The following CSMD1 variants were observed in gnomAD, a reference collection of about 807,000 sequenced individuals.
CSMD1 encodes CUB and sushi domain-containing protein 1.
Under a neutral mutation model 417.5 loss-of-function variants are expected in CSMD1, and 213 were observed. That is an observed-to-expected ratio of 0.51 (90% CI 0.46 to 0.57). The LOEUF is 0.57. Among genes scored for constraint, CSMD1 ranks in the 20% least tolerant of loss-of-function variants. The pLI, the probability that CSMD1 is intolerant of heterozygous loss-of-function variation, is 0.00. For synonymous variants in CSMD1, 2,862 were observed against 1,736.8 expected (o/e 1.65, Z -16.11); for missense variants, 6,923 against 4,529.7 (o/e 1.53, Z -15.17).
chr8:3,147,619 G>C (rs867116347), intron 40 of CSMD1, among the ~76,000 whole-genome samples: 2 of 152,128 alleles, frequency 1.3e-5, no homozygotes, highest in African/African-American at 4.8e-5. Flanking sequence ...AGTAAAATTT[G>C]AGCACCCTGG....
chr8:4,534,232 C>T lies in CSMD1; in HGVS notation c.302+103110G>A, dbSNP rs558129655. 3.3e-5 allele frequency among the ~76,000 whole-genome samples: 5 copies of T among 152,268 alleles called. No individual in the cohort carries two copies. The East Asian group carries it at 9.7e-4, about 29-fold the overall frequency. ...CTGCTATCTCAGAAAGAAATACCTT[C>T]TGCGTGGGCCTGGCCCCAAGGATGC... On this transcript the variant is annotated intron_variant, in intron 2 of 69. Coordinates refer to ENST00000635120, the MANE Select transcript of CSMD1 (RefSeq NM_033225.6).
intron 8 of CSMD1, among the ~76,000 whole-genome samples, chr8:3,615,087 T>C (rs1031563181): frequency 1.3e-5 from 2 of 152,186 alleles, no homozygotes; most frequent in Non-Finnish European, 2.9e-5. Flanking sequence ...TGCTGTTTTC[T>C]AATATGATAC....
chr8:3,396,586 T>C (rs905347398), intron 16 of CSMD1, among the ~76,000 whole-genome samples: 3 of 152,186 alleles, frequency 2.0e-5, no homozygotes, highest in Non-Finnish European at 4.4e-5. Context: ...AATCCCTTTC[T>C]CTTATCTAAT....
At chr8:3,405,876 G>A in intron 15 of CSMD1, 151 bp downstream of exon 15, 1 of 642,884 alleles carries the variant, frequency 1.6e-6, no homozygotes, top group Non-Finnish European at 2.5e-6. Flanking sequence ...CCAGAACTGG[G>A]AGACTGTACA....
chr8:3,546,166 T>C (rs1798652277), intron 10 of CSMD1, among the ~76,000 whole-genome samples: 1 of 151,770 alleles, frequency 6.6e-6, no homozygotes, highest in African/African-American at 2.4e-5. Flanking sequence ...ATGTATTTGT[T>C]TGTCTTCATA....
chr8:3,446,481 G>T (rs745518207), intron 12 of CSMD1, among the ~76,000 whole-genome samples: 1 of 152,174 alleles, frequency 6.6e-6, no homozygotes, highest in African/African-American at 2.4e-5. Flanking sequence ...GATGATCAGA[G>T]AATTAATTAC....
intron 1 of CSMD1, among the ~76,000 whole-genome samples, chr8:4,735,805 G>A (rs753608218): frequency 6.6e-6 from 1 of 152,144 alleles, no homozygotes; most frequent in Non-Finnish European, 1.5e-5. Context: ...TTCCAAGGCT[G>A]CCTAGATCTT....
intron 1 of CSMD1, among the ~76,000 whole-genome samples, chr8:4,714,598 C>T (rs949634720): frequency 2.6e-5 from 4 of 151,590 alleles, no homozygotes; most frequent in Middle Eastern, 3.2e-3. Flanking sequence ...AATAACACAG[C>T]TGAGATTCAA....
intron 5 of CSMD1, among the ~76,000 whole-genome samples, chr8:3,779,976 G>C (rs895778488): frequency 1.2e-4 from 18 of 152,136 alleles, no homozygotes; most frequent in Non-Finnish European, 4.4e-5. Flanking sequence ...TCAACCAAAA[G>C]AATGTGAACT....
intron 52 of CSMD1, among the ~76,000 whole-genome samples, chr8:3,006,789 C>T (rs1165296102): frequency 6.6e-6 from 1 of 151,244 alleles, no homozygotes; most frequent in Admixed American, 6.6e-5. Flanking sequence ...GGATTAAAGA[C>T]TTAAACGTTA....
At chr8:3,458,870 T>G (rs12548247) in intron 12 of CSMD1, among the ~76,000 whole-genome samples, 9,391 of 152,246 alleles carry the variant, frequency 0.062, 347 homozygotes, top group East Asian at 0.17. Flanking sequence ...CAAAACACTC[T>G]AGGAAAACTG....
intron 69 of CSMD1, 103 bp downstream of exon 69, chr8:2,942,369 T>A: frequency 3.1e-6 from 3 of 958,488 alleles, no homozygotes; most frequent in Non-Finnish European, 1.5e-6. Flanking sequence ...CATTGCATAG[T>A]AATATAAAAT....
intron 3 of CSMD1, among the ~76,000 whole-genome samples, chr8:4,068,623 G>A (rs146963062): frequency 6.6e-6 from 1 of 152,028 alleles, no homozygotes; most frequent in Non-Finnish European, 1.5e-5. Flanking sequence ...TTCATATAAT[G>A]TTACCATATC....
intron 1 of CSMD1, among the ~76,000 whole-genome samples, chr8:4,862,694 C>T (rs918200697): frequency 5.9e-5 from 9 of 152,006 alleles, no homozygotes; most frequent in African/African-American, 2.2e-4. Flanking sequence ...CTGAGATAAG[C>T]AAGGCCATGG....
chr8:3,662,290 G>C (rs941304234), intron 7 of CSMD1, among the ~76,000 whole-genome samples: 3 of 152,150 alleles, frequency 2.0e-5, no homozygotes, highest in African/African-American at 4.8e-5. Flanking sequence ...ATTGTCACTA[G>C]TGAGTAAAAT....
chr8:4,732,018 G>A lies in CSMD1; in HGVS notation c.86-94460C>T, dbSNP rs1280738677. Among the ~76,000 whole-genome samples, 3 of 152,198 alleles carry A rather than the reference G, an allele frequency of 2.0e-5. No homozygotes were observed. The South Asian group carries it at 6.2e-4, about 32-fold the overall frequency. Reference sequence around the variant, plus strand: ...AGAGAAAAAACGAGAAGACTGAGGAGCCAGTGTTGACTGCATGCCTCCCCC... The same window carrying A: ...AGAGAAAAAACGAGAAGACTGAGGAACCAGTGTTGACTGCATGCCTCCCCC... On this transcript the variant is annotated intron_variant, in intron 1 of 69. Transcript: ENST00000635120.
chr8:4,906,925 G>C (rs540277000), intron 1 of CSMD1, among the ~76,000 whole-genome samples: 4 of 152,256 alleles, frequency 2.6e-5, no homozygotes, highest in Non-Finnish European at 5.9e-5. Flanking sequence ...GACTATATTA[G>C]TAGGTATTTT....
chr8:3,984,094 G>A (rs1814122592), intron 5 of CSMD1, among the ~76,000 whole-genome samples: 1 of 146,430 alleles, frequency 6.8e-6, no homozygotes, highest in African/African-American at 2.5e-5. Context: ...ATCTAACAGG[G>A]CTGTCAATAG....
chr8:4,457,140 C>A (rs559122488), intron 2 of CSMD1, among the ~76,000 whole-genome samples: 6 of 151,968 alleles, frequency 3.9e-5, no homozygotes, highest in East Asian at 1.9e-4. Flanking sequence ...TATTCCTATA[C>A]CTTTTGATAC....
Sources: allele counts gnomAD v4.1 joint callset (sites outside exome capture counted in the v4.1 genomes callset), GRCh38; gene constraint gnomAD v4.1.1; transcripts MANE v1.5; gene names NCBI Gene and HGNC (gene_info 2026-07-23, HGNC 2026-07-21).